The following NEXMIF variants were observed in gnomAD, a reference collection of about 807,000 sequenced individuals.
NEXMIF encodes the protein XLMR protein related to neurite extension.
In NEXMIF, 8 loss-of-function variants were observed where a neutral mutation model predicts 62.1. The ratio of observed to expected loss-of-function variants is 0.13; its 90% CI spans 0.08 to 0.23. The LOEUF (loss-of-function observed/expected upper bound fraction) is 0.23. NEXMIF is among the 10% of genes least tolerant of loss of function. The pLI is 1.00. For synonymous variants in NEXMIF, 404 were observed against 416.6 expected (o/e 0.97, Z 0.37); for missense variants, 976 against 1,113.3 (o/e 0.88, Z 1.75).
At chrX:74,750,360 G>A (rs781311001) in intron 1 of NEXMIF, among the ~76,000 whole-genome samples, 1 of 111,594 alleles carries the variant, frequency 9.0e-6, no homozygotes, top group East Asian at 2.8e-4. Flanking sequence ...CAGAAATATC[G>A]GTGCCAGGAT....
At chrX:74,857,824 C>A (rs2080540891) in intron 1 of NEXMIF, among the ~76,000 whole-genome samples, 1 of 111,694 alleles carries the variant, frequency 9.0e-6, no homozygotes, top group South Asian at 3.8e-4. Flanking sequence ...TTGCCACAAG[C>A]TGATTGAAGA....
At chrX:74,827,866 C>T (rs186726131) in intron 1 of NEXMIF, among the ~76,000 whole-genome samples, 2 of 111,760 alleles carry the variant, frequency 1.8e-5, no homozygotes, top group African/African-American at 6.5e-5. Flanking sequence ...CCACCCCATC[C>T]CTGTGAGAAA....
chrX:74,751,557 G>A (rs1174476488), intron 1 of NEXMIF, among the ~76,000 whole-genome samples: 1 of 104,185 alleles, frequency 9.6e-6, no homozygotes, highest in Non-Finnish European at 2.0e-5. Flanking sequence ...GCATGATCTC[G>A]GCTCACTGCA....
intron 1 of NEXMIF, among the ~76,000 whole-genome samples, chrX:74,792,183 C>A (rs1250302269): frequency 9.0e-6 from 1 of 111,292 alleles, no homozygotes; most frequent in Non-Finnish European, 1.9e-5. Context: ...TGTCTTTGTT[C>A]TCATTGGTTT....
At chrX:74,787,534 A>G (rs1466048229) in intron 1 of NEXMIF, among the ~76,000 whole-genome samples, 1 of 111,514 alleles carries the variant, frequency 9.0e-6, no homozygotes, top group Non-Finnish European at 1.9e-5. Flanking sequence ...TCTATTACAA[A>G]CCATTGCATG....
intron 1 of NEXMIF, among the ~76,000 whole-genome samples, chrX:74,751,211 C>A (rs948911790): frequency 9.1e-6 from 1 of 110,237 alleles, no homozygotes; most frequent in East Asian, 2.9e-4. Flanking sequence ...GCCTGGAGGA[C>A]AAAGTGAGAC....
chrX:74,861,353 C>T (rs867865851), intron 1 of NEXMIF, among the ~76,000 whole-genome samples: 41 of 111,730 alleles, frequency 3.7e-4, no homozygotes, highest in African/African-American at 1.3e-3. Flanking sequence ...TGTAAAAAGA[C>T]TGAACTTACG....
At chrX:74,902,325 C>T (rs2080751727) in intron 1 of NEXMIF, among the ~76,000 whole-genome samples, 1 of 109,008 alleles carries the variant, frequency 9.2e-6, no homozygotes, top group South Asian at 4.0e-4. Context: ...TGCTGATCAG[C>T]TCTGATGCAT....
intron 1 of NEXMIF, among the ~76,000 whole-genome samples, chrX:74,828,993 T>C (rs761890406): frequency 8.9e-6 from 1 of 111,877 alleles, no homozygotes; most frequent in Non-Finnish European, 1.9e-5. Context: ...AGGCGATACA[T>C]AATAGGTCTA....
chrX:74,924,329 G>C (rs865790560), intron 1 of NEXMIF, among the ~76,000 whole-genome samples: 16 of 112,212 alleles, frequency 1.4e-4, no homozygotes, highest in Middle Eastern at 4.7e-3. Flanking sequence ...GGCGAGGCTC[G>C]GTCTGGCCTC....
chrX:74,767,069 G>A (rs1378267074), intron 1 of NEXMIF, among the ~76,000 whole-genome samples: 1 of 112,336 alleles, frequency 8.9e-6, no homozygotes, highest in Non-Finnish European at 1.9e-5. Context: ...TGGAGACAGC[G>A]AGAGTGAGGG....
chrX:74,748,109 CT>C (rs1569336735), intron 1 of NEXMIF, among the ~76,000 whole-genome samples: 2 of 112,266 alleles, frequency 1.8e-5, no homozygotes, highest in East Asian at 5.6e-4. Flanking sequence ...AGGAGATACA[CT>C]TTGGCAAAAG....
intron 1 of NEXMIF, among the ~76,000 whole-genome samples, chrX:74,820,285 T>A (rs771363201): frequency 1.8e-5 from 2 of 109,948 alleles, no homozygotes; most frequent in African/African-American, 3.3e-5. Flanking sequence ...TGTATACCTA[T>A]GTATCAAACC....
At chrX:74,900,965 T>C (rs1429441917) in intron 1 of NEXMIF, among the ~76,000 whole-genome samples, 1 of 111,542 alleles carries the variant, frequency 9.0e-6, no homozygotes. Flanking sequence ...TCCATAGGGA[T>C]AGAAAATAGA....
chrX:74,858,499 G>T (rs777332625), intron 1 of NEXMIF, among the ~76,000 whole-genome samples: 1 of 112,216 alleles, frequency 8.9e-6, no homozygotes, highest in Non-Finnish European at 1.9e-5. Context: ...ATACAGCATG[G>T]ATCACAACAT....
rs777042390 is a variant in NEXMIF at position 74,741,503 on chromosome X, G to A, written c.3054C>T (p.Gly1018=). The part of the protein sequence containing the change: ...SLSLKSCEKD[G]DDDITDDFLA... Reference sequence around the variant, plus strand: ...GGAAGTCATCAGTGATATCATCATCGCCATCCTTTTCACAGGACTTCAAGC... The same window carrying A: ...GGAAGTCATCAGTGATATCATCATCACCATCCTTTTCACAGGACTTCAAGC... Residue 1018 remains glycine, a synonymous_variant, in exon 3 of 4, where the codon GGC becomes GGT. Transcript: ENST00000055682. 60 of 1,209,310 alleles carry A rather than the reference G, an allele frequency of 5.0e-5. 1 individual carries two copies. In the Admixed American group the frequency reaches 7.9e-4, roughly 16 times the overall value.
chrX:74,866,692 A>G (rs779192271), intron 1 of NEXMIF, among the ~76,000 whole-genome samples: 4 of 112,474 alleles, frequency 3.6e-5, no homozygotes, highest in African/African-American at 6.5e-5. Context: ...GGTTTTTACC[A>G]TGCTGTTCTC....
intron 1 of NEXMIF, among the ~76,000 whole-genome samples, chrX:74,787,342 AC>A (rs1292703068): frequency 9.1e-6 from 1 of 110,297 alleles, no homozygotes; most frequent in Admixed American, 9.7e-5. Context: ...TCCCTTCTCT[AC>A]TTGATCAATA....
In NEXMIF at chrX:74,824,908, A is replaced by G. The variant is rs1314829372; in HGVS notation, c.-47-79211T>C. Among the ~76,000 whole-genome samples, 57 of 110,926 alleles carry G rather than the reference A, an allele frequency of 5.1e-4. 1 individual carries two copies. Among genetic ancestry groups the G allele is most frequent in the Non-Finnish European group, 1.3e-4 (7 of 52,879 alleles). ...CGTGATCCGCCCACCTCGGCCTCCC[A>G]AAGTGCTGGGATTACAGGTATAAGC... is the stretch of plus-strand genomic sequence containing the variant. On this transcript the variant is annotated intron_variant, in intron 1 of 3. Transcript: ENST00000055682.
Sources: gnomAD v4.1 joint callset for allele counts (sites outside exome capture counted in the v4.1 genomes callset) on GRCh38, gnomAD v4.1.1 for gene constraint, MANE v1.5 for transcripts, NCBI Gene and HGNC (gene_info 2026-07-23, HGNC 2026-07-21) for gene names.